Variants in KIF6 observed in about 807,000 individuals in gnomAD.
The protein encoded by KIF6 is kinesin-like protein KIF6.
In KIF6, 106 loss-of-function variants were observed where a neutral mutation model predicts 112.7. The observed-to-expected ratio is 0.94, with a 90% CI of 0.80 to 1.11. The LOEUF is 1.11. Ranked by LOEUF, KIF6 falls within the 50% of genes least tolerant of loss-of-function variation. KIF6 has a pLI of 0.00. For synonymous variants in KIF6, 339 were observed against 339.9 expected (o/e 1.00, Z 0.03); for missense variants, 929 against 964.0 (o/e 0.96, Z 0.48).
At position 39,658,371 on chromosome 6, in the gene KIF6, C is replaced by A. The variant is rs113609373; in HGVS notation, c.252-18614G>T. On this transcript the variant is annotated intron_variant, in intron 3 of 22. Coordinates refer to ENST00000287152, the MANE Select transcript of KIF6 (RefSeq NM_145027.6). ...AAAAATTGCTATGCATTTTCGGACA[C>A]TTTTAGTTCGGAAAATAAAAACAAA... Among the ~76,000 whole-genome samples, 23 of 152,162 alleles carry A rather than the reference C, an allele frequency of 1.5e-4. No individual in the cohort carries two copies. In the South Asian group the frequency reaches 4.6e-3, roughly 30 times the overall value.
At chr6:39,503,638 G>A (rs569442921) in intron 13 of KIF6, among the ~76,000 whole-genome samples, 1 of 151,946 alleles carries the variant, frequency 6.6e-6, no homozygotes, top group Non-Finnish European at 1.5e-5. Context: ...AAATGATAAG[G>A]GGGATATCAC....
chr6:39,366,420 G>T (rs1306406736), intron 16 of KIF6, among the ~76,000 whole-genome samples: 1 of 152,170 alleles, frequency 6.6e-6, no homozygotes, highest in Non-Finnish European at 1.5e-5. Flanking sequence ...CTGTTCTAGG[G>T]GGATTCCAGT....
intron 19 of KIF6, among the ~76,000 whole-genome samples, chr6:39,350,763 G>A (rs978251603): frequency 1.3e-5 from 2 of 152,162 alleles, no homozygotes; most frequent in African/African-American, 4.8e-5. Context: ...CTTTGTCAGA[G>A]GTGGAGCCCC....
At position 39,584,280 on chromosome 6, in the gene KIF6, T is replaced by C. The variant is rs188387965; in HGVS notation, c.1077+618A>G. Among the ~76,000 whole-genome samples the C allele has an allele frequency of 1.1e-3, 162 of 150,850 alleles. 2 individuals are homozygous for C. Among genetic ancestry groups the C allele is most frequent in the African/African-American group, 3.7e-3 (154 of 41,252 alleles). ...CTACTAAAATACAAAAGAAATTAGC[T>C]GGTTGTGGCGGCGTGTGTCTGTGGT... On this transcript the variant is annotated intron_variant, in intron 9 of 22. Coordinates refer to ENST00000287152, the MANE Select transcript of KIF6 (RefSeq NM_145027.6).
At chr6:39,430,922 A>G (rs1425625850) in intron 14 of KIF6, 131 bp downstream of exon 14, 2 of 574,596 alleles carry the variant, frequency 3.5e-6, no homozygotes, top group Non-Finnish European at 6.2e-6. Context: ...TTAAATGTGA[A>G]ACTGAATAAA....
At chr6:39,552,181 G>C (rs1779425010) in intron 10 of KIF6, among the ~76,000 whole-genome samples, 1 of 152,202 alleles carries the variant, frequency 6.6e-6, no homozygotes, top group South Asian at 2.1e-4. Flanking sequence ...GAAATGTTCT[G>C]TGAAGGAGGA....
chr6:39,614,207 C>A (rs1176189444), intron 5 of KIF6, among the ~76,000 whole-genome samples: 1 of 152,268 alleles, frequency 6.6e-6, no homozygotes, highest in African/African-American at 2.4e-5. Context: ...AAAGAGAGTT[C>A]CTTTCTACCT....
intron 13 of KIF6, among the ~76,000 whole-genome samples, chr6:39,462,751 T>C (rs1773555232): frequency 2.0e-5 from 3 of 152,190 alleles, no homozygotes; most frequent in Admixed American, 2.0e-4. Flanking sequence ...GTATTTTCCA[T>C]AGTAGTTTGT....
At chr6:39,407,724 A>G (rs541899305) in intron 15 of KIF6, among the ~76,000 whole-genome samples, 1 of 152,350 alleles carries the variant, frequency 6.6e-6, no homozygotes, top group South Asian at 2.1e-4. Flanking sequence ...AGTTTTAACC[A>G]TCTGTATGCA....
chr6:39,371,382 C>T (rs988330874), intron 16 of KIF6, among the ~76,000 whole-genome samples: 10 of 152,190 alleles, frequency 6.6e-5, no homozygotes, highest in African/African-American at 2.4e-4. Context: ...TCTGTCTGGG[C>T]TCCTCCAGTG....
In KIF6 at chr6:39,360,484, C is replaced by T. The variant is rs557087227; in HGVS notation, c.1993G>A (p.Glu665Lys). ...TRLKALKVEI[E>K]HLQLLMDKAK... The stretch of plus-strand genomic sequence containing the variant: ...TTGTCCATGAGCAGCTGCAAGTGCT[C>T]GATCTCCACCTTCAGGGCTTTCAGG... The change falls in exon 18 of 23, where the codon GAG (glutamate) becomes AAG (lysine). Residue 665 changes from glutamate to lysine, a missense_variant. Glu to Lys is a moderately conservative substitution (Grantham distance 56). Coordinates refer to ENST00000287152, the MANE Select transcript of KIF6 (RefSeq NM_145027.6). The T allele has an allele frequency of 3.1e-6, 5 of 1,612,900 alleles. No individual in the cohort carries two copies. The highest frequency in any genetic ancestry group is 2.2e-5 in the East Asian group (1 of 44,830).
chr6:39,646,647 C>T (rs1438768426), intron 3 of KIF6, among the ~76,000 whole-genome samples: 1 of 152,140 alleles, frequency 6.6e-6, no homozygotes, highest in African/African-American at 2.4e-5. Flanking sequence ...AGAAGCAAAA[C>T]GTACTAGTTC....
chr6:39,497,824 G>C (rs946091896), intron 13 of KIF6, among the ~76,000 whole-genome samples: 2 of 152,094 alleles, frequency 1.3e-5, no homozygotes, highest in African/African-American at 4.8e-5. Flanking sequence ...CCCCTGTTCT[G>C]TTCCACTTCA....
intron 15 of KIF6, among the ~76,000 whole-genome samples, chr6:39,403,322 A>T (rs1257983112): frequency 1.3e-5 from 2 of 152,166 alleles, no homozygotes; most frequent in Non-Finnish European, 2.9e-5. Context: ...TCACAAGGCC[A>T]TGTTGGACTC....
chr6:39,523,805 T>G (rs1220045605), intron 13 of KIF6, among the ~76,000 whole-genome samples: 1 of 151,418 alleles, frequency 6.6e-6, no homozygotes, highest in Non-Finnish European at 1.5e-5. Flanking sequence ...GGGCACCCTG[T>G]ACATCTGTGC....
At chr6:39,656,486 T>C (rs1785789454) in intron 3 of KIF6, among the ~76,000 whole-genome samples, 1 of 152,240 alleles carries the variant, frequency 6.6e-6, no homozygotes, top group Admixed American at 6.5e-5. Context: ...TCCAATTCCT[T>C]TTAGGATAAG....
intron 5 of KIF6, among the ~76,000 whole-genome samples, chr6:39,621,082 T>A (rs2150735130): frequency 6.6e-6 from 1 of 152,164 alleles, no homozygotes. Flanking sequence ...AACATTTTTT[T>A]AATAGTTACA....
intron 13 of KIF6, among the ~76,000 whole-genome samples, chr6:39,443,114 AAATAATAATAATAAT>A (rs370011414): frequency 0.026 from 3,457 of 131,532 alleles, 155 homozygotes; most frequent in African/African-American, 0.086. Flanking sequence ...ACTGCATCTC[AAATAATAATAATAAT>A]AATAATAATA....
At chr6:39,565,275 C>T (rs986786171) in intron 10 of KIF6, among the ~76,000 whole-genome samples, 20 of 152,048 alleles carry the variant, frequency 1.3e-4, no homozygotes, top group Admixed American at 1.3e-4. Context: ...ATTTACTTGC[C>T]TTAATTTTAA....
Sources: gnomAD v4.1 joint callset for allele counts (sites outside exome capture counted in the v4.1 genomes callset) on GRCh38, gnomAD v4.1.1 for gene constraint, MANE v1.5 for transcripts, NCBI Gene and HGNC (gene_info 2026-07-23, HGNC 2026-07-21) for gene names.